Variants in DMD observed in about 807,000 individuals in gnomAD.
DMD encodes mutant dystrophin.
DMD carries 63 observed loss-of-function variants against 330.1 expected under a neutral mutation model. The observed-to-expected ratio is 0.19, with a 90% CI of 0.16 to 0.24. The LOEUF (loss-of-function observed/expected upper bound fraction) is 0.24, where lower values mean the gene tolerates loss of function less well. Among genes scored for constraint, DMD ranks in the 10% least tolerant of loss-of-function variants. DMD has a pLI of 1.00. For missense variants in DMD, 3,344 were observed against 2,684.1 expected (o/e 1.25, Z -5.43); for synonymous variants, 1,223 against 959.8 (o/e 1.27, Z -5.07).
At chrX:33,107,210 G>T (rs1344368385) in intron 1 of DMD, among the ~76,000 whole-genome samples, 1 of 108,995 alleles carries the variant, frequency 9.2e-6, no homozygotes, top group Non-Finnish European at 1.9e-5. Flanking sequence ...TACTCGGGAG[G>T]CTGAGGCAGA....
chrX:32,905,502 C>G lies in DMD; in HGVS notation c.94-55682G>C, dbSNP rs182162966. Among the ~76,000 whole-genome samples the G allele has an allele frequency of 7.2e-5, 8 of 111,521 alleles. No homozygotes were observed. In the East Asian group the frequency reaches 2.0e-3, roughly 27 times the overall value. ...CTTTGGGTCTTAGCATAAACACCAC[C>G]TCCCCCAACACCACCTGCTCTAAAT... On this transcript the variant is annotated intron_variant, in intron 2 of 78. Transcript: ENST00000357033.
At chrX:32,713,009 T>A (rs2065335272) in intron 7 of DMD, among the ~76,000 whole-genome samples, 1 of 111,530 alleles carries the variant, frequency 9.0e-6, no homozygotes, top group South Asian at 3.7e-4. Context: ...ACATGAAATG[T>A]CACCCTAATT....
At chrX:33,331,949 GT>G (rs1466171420) in intron 1 of DMD, among the ~76,000 whole-genome samples, 2 of 111,333 alleles carry the variant, frequency 1.8e-5, no homozygotes, top group Admixed American at 1.9e-4. Context: ...AAGTATTCTT[GT>G]TTTATTCAGA....
At chrX:31,552,724 G>A (rs909627001) in intron 55 of DMD, among the ~76,000 whole-genome samples, 10 of 111,517 alleles carry the variant, frequency 9.0e-5, no homozygotes, top group Admixed American at 5.7e-4. Context: ...TTAAGATTCC[G>A]GGCTTTAAAG....
chrX:33,305,313 A>G (rs1256350187), intron 1 of DMD, among the ~76,000 whole-genome samples: 22 of 106,735 alleles, frequency 2.1e-4, no homozygotes, highest in Admixed American at 1.8e-3. Flanking sequence ...AAACCATTGC[A>G]AGGACAAAAA....
At chrX:32,238,540 A>C (rs1274860065) in intron 43 of DMD, among the ~76,000 whole-genome samples, 2 of 111,383 alleles carry the variant, frequency 1.8e-5, no homozygotes, top group Admixed American at 1.9e-4. Flanking sequence ...GTCTTTCTAC[A>C]ACCTACACTT....
At chrX:32,468,257 C>A (rs2040255928) in intron 23 of DMD, among the ~76,000 whole-genome samples, 1 of 110,556 alleles carries the variant, frequency 9.0e-6, no homozygotes. Context: ...ATGTTTAATT[C>A]CTATTGGTAA....
intron 1 of DMD, among the ~76,000 whole-genome samples, chrX:33,100,918 T>C (rs748863869): frequency 3.1e-4 from 35 of 111,200 alleles, no homozygotes; most frequent in African/African-American, 1.1e-3. Context: ...TGCCTAGATT[T>C]TAAAAAGCAA....
chrX:33,041,378 G>A, intron 1 of DMD: 8 of 1,182,887 alleles, frequency 6.8e-6, no homozygotes, highest in Non-Finnish European at 9.1e-6. Context: ...CCTCCTTCTC[G>A]CGGGGCTCGA....
chrX:33,234,639 C>A lies in DMD; in HGVS notation c.7+104620G>T, dbSNP rs180999925. ...GTTCTTTTAGAAGAAATGTGGCAAACACACTGACATGATTCAATGAACAGC... is the reference window on the plus strand; with the variant it reads ...GTTCTTTTAGAAGAAATGTGGCAAAAACACTGACATGATTCAATGAACAGC... On this transcript the variant is annotated intron_variant, in intron 1 of 17. Transcript: ENST00000288447. Among the ~76,000 whole-genome samples, 4 of 111,533 alleles carry A rather than the reference C, an allele frequency of 3.6e-5. No individual in the cohort carries two copies. The East Asian group carries it at 1.1e-3, about 31-fold the overall frequency.
At chrX:32,451,581 G>A (rs1180334077) in intron 26 of DMD, among the ~76,000 whole-genome samples, 1 of 109,869 alleles carries the variant, frequency 9.1e-6, no homozygotes, top group African/African-American at 3.3e-5. Flanking sequence ...GGAAAAATAA[G>A]TTATTAAAAC....
At chrX:31,626,160 T>C (rs2078831691) in intron 55 of DMD, among the ~76,000 whole-genome samples, 2 of 106,341 alleles carry the variant, frequency 1.9e-5, no homozygotes, top group Non-Finnish European at 3.9e-5. Flanking sequence ...AATTTTTGTA[T>C]TTTTAGTAGA....
intron 61 of DMD, among the ~76,000 whole-genome samples, chrX:31,338,769 T>G (rs1209344247): frequency 9.1e-6 from 1 of 110,466 alleles, no homozygotes; most frequent in Non-Finnish European, 1.9e-5. Context: ...ATTCCAGTGC[T>G]AAATCCGGGA....
At chrX:32,346,964 T>C (rs2097765941) in intron 38 of DMD, among the ~76,000 whole-genome samples, 1 of 111,505 alleles carries the variant, frequency 9.0e-6, no homozygotes. Flanking sequence ...GGTACACTGA[T>C]GACATAAGGA....
At chrX:31,839,529 C>T (rs1028455950) in intron 48 of DMD, among the ~76,000 whole-genome samples, 2 of 111,904 alleles carry the variant, frequency 1.8e-5, no homozygotes, top group Non-Finnish European at 3.8e-5. Flanking sequence ...TACTCTTCTG[C>T]TTTTGGATTT....
At chrX:31,176,238 C>T (rs759291038) in intron 71 of DMD, among the ~76,000 whole-genome samples, 2 of 111,412 alleles carry the variant, frequency 1.8e-5, no homozygotes, top group Non-Finnish European at 3.8e-5. Flanking sequence ...TAAAACTTCC[C>T]ACTATTTCTG....
chrX:32,792,174 T>C, intron 7 of DMD, among the ~76,000 whole-genome samples: 1 of 111,411 alleles, frequency 9.0e-6, no homozygotes, highest in East Asian at 2.8e-4. Flanking sequence ...ATAAAATAGT[T>C]CCTAGACGAG....
intron 44 of DMD, among the ~76,000 whole-genome samples, chrX:32,171,078 C>T (rs2096885970): frequency 8.9e-6 from 1 of 111,825 alleles, no homozygotes; most frequent in African/African-American, 3.2e-5. Context: ...ACAATAAAAG[C>T]TTATTCAGCA....
At chrX:32,798,941 T>C (rs977445423) in intron 7 of DMD, among the ~76,000 whole-genome samples, 3 of 111,714 alleles carry the variant, frequency 2.7e-5, no homozygotes, top group Non-Finnish European at 5.6e-5. Context: ...GGTATCAAAA[T>C]GTGATGATTA....
Sources: allele counts gnomAD v4.1 joint callset (sites outside exome capture counted in the v4.1 genomes callset), GRCh38; gene constraint gnomAD v4.1.1; transcripts MANE v1.5; gene names NCBI Gene and HGNC (gene_info 2026-07-23, HGNC 2026-07-21).